Variants in USP5 observed in about 807,000 individuals in gnomAD.
USP5 encodes ubiquitin carboxyl-terminal hydrolase 5.
USP5 carries 24 observed loss-of-function variants against 102.5 expected under a neutral mutation model. The observed-to-expected ratio is 0.23, with a 90% CI of 0.17 to 0.33. USP5 has a LOEUF of 0.33. Ranked by LOEUF, USP5 falls within the 10% of genes least tolerant of loss-of-function variation. USP5 has a pLI of 1.00. For missense variants in USP5, 753 were observed against 1,122.1 expected (o/e 0.67, Z 4.70); for synonymous variants, 460 against 434.8 (o/e 1.06, Z -0.72).
In USP5 at chr12:6,863,452, G is replaced by A. The variant is rs780286963; in HGVS notation, c.1954+75G>A. ...TCTCTGCCTTGCATCCCCTGCCCCTGTCCTTTGTGTTTCTCCTGTCCTCCC... is the reference window on the plus strand; with the variant it reads ...TCTCTGCCTTGCATCCCCTGCCCCTATCCTTTGTGTTTCTCCTGTCCTCCC... On this transcript the variant is annotated intron_variant, in intron 15 of 19. Transcript: ENST00000229268. The surrounding 1 kb of genome is among the most constrained non-coding windows in gnomAD (Gnocchi z 4.7). The A allele has an allele frequency of 3.9e-5, 59 of 1,495,780 alleles. No homozygotes were observed. Among genetic ancestry groups the A allele is most frequent in the Non-Finnish European group, 1.4e-5 (15 of 1,098,510 alleles). 92.7% of individuals were successfully genotyped at this position (1,495,780 alleles called of 1,614,324 possible).
At chr12:6,854,397 G>A in intron 1 of USP5, among the ~76,000 whole-genome samples, 1 of 152,166 alleles carries the variant, frequency 6.6e-6, no homozygotes, top group East Asian at 1.9e-4. Flanking sequence ...ACTTCAGCAG[G>A]AGAGGAGGGA....
chr12:6,855,456 A>C lies in USP5; in HGVS notation c.167A>C (p.Gln56Pro). 1 of 1,614,200 alleles carries C rather than the reference A, an allele frequency of 6.2e-7. No homozygotes were observed. ...CMNTFLGFGK[Q>P]YVERHFNKTG... The stretch of plus-strand genomic sequence containing the variant: ...AACACGTTTCTGGGCTTTGGGAAAC[A>C]GTATGTGGAGAGACATTTCAATAAG... Residue 56 changes from glutamine (Q) to proline (P), a missense_variant, in exon 2 of 20, where the codon CAG becomes CCG. This residue lies in a region of USP5 where 527 missense variants were observed against 816.5 expected (regional missense o/e 0.65). Coordinates refer to ENST00000229268, the MANE Select transcript of USP5 (RefSeq NM_001098536.2). This position sits in a 1 kb window ranked among gnomAD's most constrained non-coding sequence, Gnocchi z 4.6.
chr12:6,861,257 T>A lies in USP5; in HGVS notation c.1498+151T>A, dbSNP rs1291562909. The A allele has an allele frequency of 7.2e-7, 1 of 1,392,128 alleles. No homozygotes were observed. The highest frequency in any genetic ancestry group is 9.7e-7 in the Non-Finnish European group (1 of 1,031,904). The allele number at this position is 1,392,128 out of a possible 1,614,324, so 86.2% of individuals were successfully genotyped here. ...GCCACCAGGAGTAGGTAGATTAACC[T>A]CGTCCAGTGGACACTCAGCTTGTTA... is the stretch of plus-strand genomic sequence containing the variant. On this transcript the variant is annotated intron_variant, in intron 12 of 19. Coordinates refer to ENST00000229268, the MANE Select transcript of USP5 (RefSeq NM_001098536.2). This position sits in a 1 kb window ranked among gnomAD's most constrained non-coding sequence, Gnocchi z 4.9.
intron 14 of USP5, 93 bp downstream of exon 14, chr12:6,862,651 CTGAA>C (rs1944313370): frequency 8.4e-7 from 1 of 1,187,760 alleles, no homozygotes; most frequent in Non-Finnish European, 1.2e-6. Context: ...AAAGTTTCCT[CTGAA>C]AGAGGAAAAA....
chr12:6,864,065 T>C lies in USP5; in HGVS notation c.2114T>C (p.Leu705Pro). 1 of 1,609,992 alleles carries C rather than the reference T, an allele frequency of 6.2e-7. No homozygotes were observed. Among genetic ancestry groups the C allele is most frequent in the Non-Finnish European group, 8.5e-7 (1 of 1,177,670 alleles). Reference sequence around the variant, plus strand: ...ACATCCACAGATTTTGCAAACCCCCTCATCCTGCCTGGCTCTAGTGGGCCG... The same window carrying C: ...ACATCCACAGATTTTGCAAACCCCCCCATCCTGCCTGGCTCTAGTGGGCCG... ...HMDDPDFANP[L>P]ILPGSSGPGS... Residue 705 changes from leucine to proline, a missense_variant, in exon 17 of 20, where the codon CTC becomes CCC. By Grantham distance (98) the Leu-to-Pro change is moderately conservative. Transcript: ENST00000229268. This position sits in a 1 kb window ranked among gnomAD's most constrained non-coding sequence, Gnocchi z 4.8.
chr12:6,852,734 C>T (rs1293029084), intron 1 of USP5, among the ~76,000 whole-genome samples: 7 of 152,142 alleles, frequency 4.6e-5, no homozygotes, highest in African/African-American at 1.4e-4. Flanking sequence ...GGGTGGGGAC[C>T]GCAGTTCCTA....
chr12:6,857,744 A>C, intron 7 of USP5, 21 bp downstream of exon 7: 2 of 1,613,186 alleles, frequency 1.2e-6, no homozygotes, highest in Non-Finnish European at 1.7e-6. Context: ...CTTCAACTTC[A>C]GATTCTTCTA....
intron 1 of USP5, among the ~76,000 whole-genome samples, chr12:6,853,358 T>C (rs1944001843): frequency 6.6e-6 from 1 of 152,186 alleles, no homozygotes; most frequent in Non-Finnish European, 1.5e-5. Flanking sequence ...TCACTGTGAT[T>C]TGTGGTTTGC....
In USP5 at chr12:6,866,079, A is replaced by C. The variant is rs868941320; in HGVS notation, c.*2A>C. ...TTCTACCAGAGAGTGGCCAGCTAAG[A>C]GCCTGCCTCACCCCTTACCAATGAG... On this transcript the variant is annotated 3_prime_UTR_variant, in exon 20 of 20. Coordinates refer to ENST00000229268, the MANE Select transcript of USP5 (RefSeq NM_001098536.2). The surrounding 1 kb of genome is among the most constrained non-coding windows in gnomAD (Gnocchi z 4.7). 6.2e-7 allele frequency: 1 copy of C among 1,613,886 alleles called. No homozygotes were observed.
At position 6,864,785 on chromosome 12, in the gene USP5, G is replaced by A. The variant is rs1944384213; in HGVS notation, c.2308G>A (p.Ala770Thr). The change falls in exon 18 of 20, where the codon GCT becomes ACT. Residue 770 changes from alanine (A) to threonine (T), a missense_variant. Around this residue, in one of 3 missense-constraint regions of USP5, gnomAD observed 193 missense variants for 230.2 expected, o/e 0.84. Coordinates refer to ENST00000229268, the MANE Select transcript of USP5 (RefSeq NM_001098536.2). This position sits in a 1 kb window ranked among gnomAD's most constrained non-coding sequence, Gnocchi z 4.8. The stretch of plus-strand genomic sequence containing the variant: ...TCACATTGACGACCTGGATGCTGAA[G>A]CTGCCATGGACATCTCAGAGGGCCG... The part of the protein sequence containing the change: ...FSHIDDLDAE[A>T]AMDISEGRSA... 2 of 1,613,692 alleles carry A rather than the reference G, an allele frequency of 1.2e-6. No individual in the cohort carries two copies. Among genetic ancestry groups the A allele is most frequent in the Admixed American group, 3.3e-5 (2 of 60,010 alleles).
At chr12:6,852,909 C>A (rs189212228) in intron 1 of USP5, among the ~76,000 whole-genome samples, 1 of 149,504 alleles carries the variant, frequency 6.7e-6, no homozygotes, top group East Asian at 2.0e-4. Flanking sequence ...GCAGCCCCCA[C>A]CCTTCCCCCC....
Position 6,864,657 on chromosome 12 carries a change from C to A in USP5, c.2245-65C>A, listed in dbSNP as rs1555130374. ...TGAGCCGAGATCGCGCCACTGCACT[C>A]CAGCCTGGGCGACAGAGCAAGACTC... is the stretch of plus-strand genomic sequence containing the variant. On this transcript the variant is annotated intron_variant, in intron 17 of 19. Coordinates refer to ENST00000229268, the MANE Select transcript of USP5 (RefSeq NM_001098536.2). This position sits in a 1 kb window ranked among gnomAD's most constrained non-coding sequence, Gnocchi z 4.8. 1 of 1,546,476 alleles carries A rather than the reference C, an allele frequency of 6.5e-7. No homozygotes were observed. The highest frequency in any genetic ancestry group is 8.7e-7 in the Non-Finnish European group (1 of 1,146,448).
rs1944358495 is a variant in USP5, at chr12:6,864,130, T to C, written c.2179T>C (p.Cys727Arg). 3.1e-6 allele frequency: 5 copies of C among 1,614,004 alleles called. No individual in the cohort carries two copies. Among genetic ancestry groups the C allele is most frequent in the Non-Finnish European group, 4.2e-6 (5 of 1,179,944 alleles). ...AGCAGCCGACCCCCCTCCTGAGGAC[T>C]GTGTGACCACCATTGTCTCCATGGG... ...SAAADPPPED[C>R]VTTIVSMGFS... The change falls in exon 17 of 20, where the codon TGT becomes CGT. Residue 727 changes from cysteine (C) to arginine (R), a missense_variant. Cys to Arg is a radical substitution (Grantham distance 180). This residue lies in a region of USP5 where 193 missense variants were observed against 230.2 expected (regional missense o/e 0.84). Coordinates refer to ENST00000229268, the MANE Select transcript of USP5 (RefSeq NM_001098536.2). The surrounding 1 kb of genome is among the most constrained non-coding windows in gnomAD (Gnocchi z 4.8).
chr12:6,852,908 A>T (rs1331716411), intron 1 of USP5, among the ~76,000 whole-genome samples: 2 of 139,370 alleles, frequency 1.4e-5, no homozygotes, highest in South Asian at 4.6e-4. Flanking sequence ...CGCAGCCCCC[A>T]CCCTTCCCCC....
intron 1 of USP5, 39 bp downstream of exon 1, chr12:6,852,329 C>T (rs950093721): frequency 1.3e-6 from 2 of 1,567,938 alleles, no homozygotes; most frequent in South Asian, 1.2e-5. Flanking sequence ...GCACGACTTC[C>T]TTCCATCGCC....
intron 1 of USP5, among the ~76,000 whole-genome samples, chr12:6,853,646 C>A (rs191155199): frequency 6.6e-6 from 1 of 152,352 alleles, no homozygotes; most frequent in Admixed American, 6.5e-5. Flanking sequence ...TCCTTAGTAA[C>A]TGCTTTGAAT....
In USP5 at chr12:6,859,547, T is replaced by TAACCAGG. The variant is rs1422602263; in HGVS notation, c.1130+7_1130+13dup. On this transcript the variant is annotated splice_region_variant and intron_variant, in intron 9 of 19. Coordinates refer to ENST00000229268, the MANE Select transcript of USP5 (RefSeq NM_001098536.2). ...CAGGATTTCAGCACCCAGGTGTATG[T>TAACCAGG]AACCAGGTCCTATGTAGGAAAGCTG... 1.2e-6 allele frequency: 2 copies of TAACCAGG among 1,613,958 alleles called. No individual in the cohort carries two copies. The highest frequency in any genetic ancestry group is 1.7e-6 in the Non-Finnish European group (2 of 1,179,924).
intron 1 of USP5, among the ~76,000 whole-genome samples, chr12:6,853,813 C>G (rs1356445067): frequency 6.6e-6 from 1 of 152,212 alleles, no homozygotes; most frequent in African/African-American, 2.4e-5. Context: ...TTGACCTCCC[C>G]GGTGAGAAAT....
rs1944441935 is a variant in USP5, at chr12:6,866,258, C to T, written c.*181C>T. ...GGCAGAGCAGAGGGGCAGCGATAGA[C>T]TCTGGGGATGGAGCAGGACGGGGAC... On this transcript the variant is annotated 3_prime_UTR_variant, in exon 20 of 20. Transcript: ENST00000229268. This position sits in a 1 kb window ranked among gnomAD's most constrained non-coding sequence, Gnocchi z 4.7. The T allele has an allele frequency of 1.6e-6, 1 of 610,656 alleles. No individual in the cohort carries two copies. Among genetic ancestry groups the T allele is most frequent in the South Asian group, 2.0e-5 (1 of 50,646 alleles). 37.8% of individuals were successfully genotyped at this position (610,656 alleles called of 1,614,324 possible).
Sources: allele counts gnomAD v4.1 joint callset (sites outside exome capture counted in the v4.1 genomes callset), GRCh38; gene constraint gnomAD v4.1.1; regional missense constraint gnomAD v4.1.1; non-coding constraint Gnocchi (gnomAD v3.1); transcripts MANE v1.5; gene names NCBI Gene and HGNC (gene_info 2026-07-23, HGNC 2026-07-21).